Variants in ATP6V1A observed in about 807,000 individuals in gnomAD.
ATP6V1A encodes ATPase H+ transporting V1 subunit A.
In ATP6V1A, 18 loss-of-function variants were observed where a neutral mutation model predicts 70.1. The observed-to-expected ratio is 0.26, with a 90% confidence interval of 0.18 to 0.38. The LOEUF (loss-of-function observed/expected upper bound fraction) is 0.38, where lower values mean the gene tolerates loss of function less well. Among genes scored for constraint, ATP6V1A ranks in the 10% least tolerant of loss-of-function variants. The probability of loss-of-function intolerance (pLI) is 1.00; values close to 1 mark genes in which losing one functional copy is unlikely to be tolerated. For missense variants in ATP6V1A, 424 were observed against 772.4 expected (o/e 0.55, Z 5.35); for synonymous variants, 232 against 253.8 (o/e 0.91, Z 0.82).
chr3:113,811,389 A>C lies in ATP6V1A; in HGVS notation c.*1962A>C, dbSNP rs1709339909. ...TATACAACTTGTTTTAACCTTTGAG[A>C]ACATTGACAGAAATTATGCAATGGT... On this transcript the variant is annotated 3_prime_UTR_variant, in exon 15 of 15. Coordinates refer to ENST00000273398, the MANE Select transcript of ATP6V1A (RefSeq NM_001690.4). 6.6e-6 allele frequency: 1 copy of C among 152,630 alleles called. No homozygotes were observed. The highest frequency in any genetic ancestry group is 1.5e-5 in the Non-Finnish European group (1 of 68,040). The allele number at this position is 152,630 out of a possible 1,614,324, so 9.5% of individuals were successfully genotyped here. A position where few individuals can be genotyped will look rare whatever the true frequency, so the allele number is the denominator to read the frequency against.
Position 113,781,080 on chromosome 3 carries a change from C to A in ATP6V1A, c.113C>A (p.Ala38Asp). Reference protein sequence around the residue: ...VVTACDMAGAAMYELVRVGHS... With the variant: ...VVTACDMAGADMYELVRVGHS... ...ACAGCCTGTGACATGGCGGGTGCAGCCATGTATGAGCTGGTGAGAGTGGGC... is the reference window on the plus strand; with the variant it reads ...ACAGCCTGTGACATGGCGGGTGCAGACATGTATGAGCTGGTGAGAGTGGGC... Residue 38 changes from alanine to aspartate, a missense_variant, in exon 3 of 15, where the codon GCC (alanine) becomes GAC (aspartate). Coordinates refer to ENST00000273398, the MANE Select transcript of ATP6V1A (RefSeq NM_001690.4). 6.2e-7 allele frequency: 1 copy of A among 1,607,816 alleles called. No homozygotes were observed. Among genetic ancestry groups the A allele is most frequent in the Non-Finnish European group, 8.5e-7 (1 of 1,176,836 alleles).
Position 113,805,535 on chromosome 3 carries a change from G to A in ATP6V1A, c.1761+10G>A. 1 of 1,587,432 alleles carries A rather than the reference G, an allele frequency of 6.3e-7. No homozygotes were observed. Among genetic ancestry groups the A allele is most frequent in the Non-Finnish European group, 8.6e-7 (1 of 1,167,348 alleles). On this transcript the variant is annotated intron_variant, in intron 14 of 14. Transcript: ENST00000273398. ...CTCCATGAAATTCAAGGTATATTTT[G>A]TTTCTGCTGTAACTTTTTTTATTTG...
chr3:113,776,265 C>T (rs538914537), intron 1 of ATP6V1A, among the ~76,000 whole-genome samples: 2 of 140,504 alleles, frequency 1.4e-5, no homozygotes, highest in East Asian at 2.3e-4. Flanking sequence ...GGGGTGGGGA[C>T]GGGGGCGGCT....
chr3:113,751,777 A>G (rs903186459), intron 1 of ATP6V1A, among the ~76,000 whole-genome samples: 1 of 151,624 alleles, frequency 6.6e-6, no homozygotes, highest in Non-Finnish European at 1.5e-5. Context: ...GTGGTTGTGT[A>G]TCTTCGTAGT....
chr3:113,784,129 C>T (rs2108029490), intron 3 of ATP6V1A, 95 bp from the exon 4 acceptor site: 2 of 1,223,248 alleles, frequency 1.6e-6, no homozygotes, highest in Non-Finnish European at 2.3e-6. Flanking sequence ...TCCGTTTTCA[C>T]TTCTTGAGTG....
At chr3:113,777,639 G>A (rs997407063) in intron 1 of ATP6V1A, among the ~76,000 whole-genome samples, 2 of 152,210 alleles carry the variant, frequency 1.3e-5, no homozygotes, top group African/African-American at 4.8e-5. Flanking sequence ...TGTGGTCCCA[G>A]GTACTAGGGA....
chr3:113,766,406 C>T (rs538831224), intron 1 of ATP6V1A, among the ~76,000 whole-genome samples: 7 of 152,244 alleles, frequency 4.6e-5, no homozygotes, highest in Admixed American at 4.6e-4. Flanking sequence ...AGCAGTCCTC[C>T]ACTTCAACCT....
intron 1 of ATP6V1A, among the ~76,000 whole-genome samples, chr3:113,763,406 A>AG (rs1708729511): frequency 6.6e-6 from 1 of 152,210 alleles, no homozygotes; most frequent in Non-Finnish European, 1.5e-5. Flanking sequence ...ATTCTTATAG[A>AG]GTAGCTCTCT....
intron 14 of ATP6V1A, among the ~76,000 whole-genome samples, chr3:113,808,761 T>C (rs1331363458): frequency 2.0e-5 from 3 of 152,208 alleles, no homozygotes; most frequent in African/African-American, 7.2e-5. Context: ...TTCCCACTAT[T>C]GTGCACATTG....
chr3:113,810,106 G>T lies in ATP6V1A; in HGVS notation c.*679G>T, dbSNP rs1409405646. On this transcript the variant is annotated 3_prime_UTR_variant, in exon 15 of 15. Transcript: ENST00000273398. ...TGCCCAGGCTGGAGTGCAATGGCGT[G>T]ATCTTGGCTCACTGCAGCCTTCGCC... 6.6e-6 allele frequency: 1 copy of T among 151,528 alleles called. No individual in the cohort carries two copies. Among genetic ancestry groups the T allele is most frequent in the African/African-American group, 2.4e-5 (1 of 41,170 alleles). 9.4% of individuals were successfully genotyped at this position (151,528 alleles called of 1,614,324 possible). A position where few individuals can be genotyped will look rare whatever the true frequency, so the allele number is the denominator to read the frequency against.
intron 1 of ATP6V1A, among the ~76,000 whole-genome samples, chr3:113,759,318 G>T (rs772164127): frequency 7.3e-6 from 1 of 136,346 alleles, no homozygotes; most frequent in African/African-American, 2.8e-5. Flanking sequence ...TTATGTATAC[G>T]TTGGTTCTAC....
At chr3:113,786,104 A>G in intron 5 of ATP6V1A, 128 bp from the exon 6 acceptor site, 1 of 609,082 alleles carries the variant, frequency 1.6e-6, no homozygotes, top group South Asian at 7.6e-5. Context: ...TATAATAAAA[A>G]GTATAAATCT....
At chr3:113,787,256 CTG>C (rs1709048491) in intron 6 of ATP6V1A, among the ~76,000 whole-genome samples, 1 of 152,204 alleles carries the variant, frequency 6.6e-6, no homozygotes, top group Non-Finnish European at 1.5e-5. Flanking sequence ...AAGGAAATCT[CTG>C]TAGTCATCAC....
chr3:113,761,353 C>T (rs1186111856), intron 1 of ATP6V1A, among the ~76,000 whole-genome samples: 1 of 151,540 alleles, frequency 6.6e-6, no homozygotes, highest in East Asian at 1.9e-4. Flanking sequence ...TTACATTTGG[C>T]TAGTTTAGCT....
chr3:113,751,889 T>A (rs1267395493), intron 1 of ATP6V1A, among the ~76,000 whole-genome samples: 1 of 151,902 alleles, frequency 6.6e-6, no homozygotes, highest in Non-Finnish European at 1.5e-5. Context: ...TAGTTAGCTC[T>A]AGTTAATAAA....
rs1198098691 is a variant in ATP6V1A at position 113,809,318 on chromosome 3, G to A, written c.1762-17G>A. 1 of 1,585,166 alleles carries A rather than the reference G, an allele frequency of 6.3e-7. No homozygotes were observed. ...TATTTTCCAAATGCGAGTTGAATTTGTAATGTCTTCTTTCAGGATCCACTG... is the reference window on the plus strand; with the variant it reads ...TATTTTCCAAATGCGAGTTGAATTTATAATGTCTTCTTTCAGGATCCACTG... On this transcript the variant is annotated splice_polypyrimidine_tract_variant and intron_variant, in intron 14 of 14. Coordinates refer to ENST00000273398, the MANE Select transcript of ATP6V1A (RefSeq NM_001690.4).
At chr3:113,777,837 G>A (rs1038701208) in intron 1 of ATP6V1A, among the ~76,000 whole-genome samples, 1 of 152,222 alleles carries the variant, frequency 6.6e-6, no homozygotes, top group Non-Finnish European at 1.5e-5. Context: ...CAAAGGCCCT[G>A]AGGTAGAATG....
At chr3:113,796,644 G>GT (rs1482562729) in intron 11 of ATP6V1A, among the ~76,000 whole-genome samples, 2 of 150,144 alleles carry the variant, frequency 1.3e-5, no homozygotes, top group African/African-American at 4.9e-5. Flanking sequence ...CAGAGCTATA[G>GT]TTAAAAAAAA....
chr3:113,787,141 G>A (rs1449788891), intron 6 of ATP6V1A, among the ~76,000 whole-genome samples: 1 of 152,106 alleles, frequency 6.6e-6, no homozygotes, highest in Non-Finnish European at 1.5e-5. Context: ...CAAATAACTG[G>A]GATAACATTT....
Sources: gnomAD v4.1 joint callset for allele counts (sites outside exome capture counted in the v4.1 genomes callset) on GRCh38, gnomAD v4.1.1 for gene constraint, MANE v1.5 for transcripts, NCBI Gene and HGNC (gene_info 2026-07-23, HGNC 2026-07-21) for gene names.